FHOD3: variants seen among roughly 807,000 people sequenced by gnomAD.
The protein encoded by FHOD3 is formin homology 2 domain containing 3.
A neutral mutation model predicts 173.0 loss-of-function variants in FHOD3; 90 were observed. The observed-to-expected ratio is 0.52, with a 90% CI of 0.44 to 0.62. The LOEUF (loss-of-function observed/expected upper bound fraction) is 0.62. Ranked by LOEUF, FHOD3 falls within the 20% of genes least tolerant of loss-of-function variation. The probability of loss-of-function intolerance (pLI) is 0.00; values close to 1 mark genes in which losing one functional copy is unlikely to be tolerated. For missense variants in FHOD3, 1,945 were observed against 2,034.7 expected (o/e 0.96, Z 0.85); for synonymous variants, 828 against 823.0 (o/e 1.01, Z -0.10).
At chr18:36,698,765 G>A (rs372772466) in intron 17 of FHOD3, among the ~76,000 whole-genome samples, 42 of 152,326 alleles carry the variant, frequency 2.8e-4, no homozygotes, top group African/African-American at 1.0e-3. Flanking sequence ...CTGGGTCAGA[G>A]ACAAAGGACT....
At position 36,332,292 on chromosome 18, in the gene FHOD3, C is replaced by T. The variant is rs1235708281; in HGVS notation, c.166-23247C>T. On this transcript the variant is annotated intron_variant, in intron 1 of 28. Transcript: ENST00000590592. ...CTGTGGGGATGTAGGCGGCACCTTG[C>T]TCCAGGTGGCCCTATTTATTTCAGA... is the stretch of plus-strand genomic sequence containing the variant. Among the ~76,000 whole-genome samples, 3 of 152,328 alleles carry T rather than the reference C, an allele frequency of 2.0e-5. No homozygotes were observed. In the East Asian group the frequency reaches 5.8e-4, roughly 29 times the overall value.
rs574922476 is a variant in FHOD3 at position 36,768,069 on chromosome 18, G to T, written c.4625-1196G>T. Reference sequence around the variant, plus strand: ...TGTGTTGTACTTTAGTCAGGCTGGGGCTACTTGTGTGCCATAGGCAATGAT... The same window carrying T: ...TGTGTTGTACTTTAGTCAGGCTGGGTCTACTTGTGTGCCATAGGCAATGAT... On this transcript the variant is annotated intron_variant, in intron 27 of 28. Transcript: ENST00000590592. Among the ~76,000 whole-genome samples, 6 of 152,290 alleles carry T rather than the reference G, an allele frequency of 3.9e-5. No homozygotes were observed. The East Asian group carries it at 7.7e-4, about 20-fold the overall frequency.
intron 18 of FHOD3, among the ~76,000 whole-genome samples, chr18:36,713,325 C>T (rs1019391611): frequency 2.6e-5 from 4 of 152,198 alleles, no homozygotes; most frequent in African/African-American, 9.7e-5. Flanking sequence ...ACTATACTTT[C>T]AGAGTAGGGA....
Position 36,717,862 on chromosome 18 carries a change from G to T in FHOD3, c.2564G>T (p.Gly855Val). ...TGGCCCGCAGGTGTCCAGGATGCAG[G>T]TGTAAATGGACAGTGTGGCGACATC... The part of the protein sequence containing the change: ...GLWPAGVQDA[G>V]VNGQCGDILT... Residue 855 changes from glycine to valine, a missense_variant, in exon 19 of 29, where the codon GGT becomes GTT. Transcript: ENST00000590592. 1 of 1,597,714 alleles carries T rather than the reference G, an allele frequency of 6.3e-7. No homozygotes were observed. Among genetic ancestry groups the T allele is most frequent in the Non-Finnish European group, 8.5e-7 (1 of 1,172,232 alleles).
chr18:36,575,340 C>A (rs904758267), intron 5 of FHOD3, among the ~76,000 whole-genome samples: 1 of 152,176 alleles, frequency 6.6e-6, no homozygotes, highest in African/African-American at 2.4e-5. Context: ...TATATATTTG[C>A]ATACTTAGAA....
rs553688430 is a variant in FHOD3, at chr18:36,396,832, A to T, written c.337+24088A>T. Among the ~76,000 whole-genome samples the T allele has an allele frequency of 2.0e-5, 3 of 152,094 alleles. No individual in the cohort carries two copies. The South Asian group carries it at 6.2e-4, about 32-fold the overall frequency. On this transcript the variant is annotated intron_variant, in intron 3 of 28. Transcript: ENST00000590592. ...ATATTTTTATGTTGCTCATTTTTAT[A>T]TAAAATCAGTTTTCTTGAACTTTTA...
rs182060279 is a variant in FHOD3 at position 36,446,540 on chromosome 18, T to A, written c.338-55392T>A. Among the ~76,000 whole-genome samples the A allele has an allele frequency of 2.7e-3, 413 of 152,174 alleles. 1 individual carries two copies. Among genetic ancestry groups the A allele is most frequent in the Non-Finnish European group, 3.1e-3 (209 of 67,998 alleles). ...AATCCACATGTCCCAGATTGAACCC[T>A]TTTTGAATGGAAAGGCTTTGCAAGT... On this transcript the variant is annotated intron_variant, in intron 3 of 28. Coordinates refer to ENST00000590592, the MANE Select transcript of FHOD3 (RefSeq NM_001281740.3).
At chr18:36,741,099 T>C (rs540848476) in intron 21 of FHOD3, among the ~76,000 whole-genome samples, 2 of 151,320 alleles carry the variant, frequency 1.3e-5, no homozygotes, top group Non-Finnish European at 3.0e-5. Flanking sequence ...AACAATTACA[T>C]TTTTTTTTCA....
At chr18:36,733,073 C>T in intron 20 of FHOD3, among the ~76,000 whole-genome samples, 1 of 152,180 alleles carries the variant, frequency 6.6e-6, no homozygotes. Context: ...CAATCATGCA[C>T]CCACAGATAA....
At chr18:36,380,743 A>G (rs1025119307) in intron 3 of FHOD3, among the ~76,000 whole-genome samples, 2 of 151,868 alleles carry the variant, frequency 1.3e-5, no homozygotes, top group African/African-American at 4.8e-5. Flanking sequence ...GTAAAATGCT[A>G]CAAAGGTTAT....
rs146280152 is a variant in FHOD3, at chr18:36,690,359, C to G, written c.2022-2850C>G. The stretch of plus-strand genomic sequence containing the variant: ...GGGGCTGTGGTTTGTGGATAGAAAG[C>G]CCGGTGCTTCCCACAGAGGAGGCTC... On this transcript the variant is annotated intron_variant, in intron 16 of 28. Coordinates refer to ENST00000590592, the MANE Select transcript of FHOD3 (RefSeq NM_001281740.3). 4.2e-3 allele frequency among the ~76,000 whole-genome samples: 642 copies of G among 152,238 alleles called. 8 individuals are homozygous for G. The highest frequency in any genetic ancestry group is 0.015 in the African/African-American group (606 of 41,538).
intron 14 of FHOD3, among the ~76,000 whole-genome samples, chr18:36,675,042 G>T (rs368635987): frequency 1.4e-4 from 21 of 152,022 alleles, no homozygotes; most frequent in African/African-American, 4.8e-4. Context: ...GGCCCTTTGA[G>T]CTCAGTGTCT....
rs1015848238 is a variant in FHOD3 at position 36,586,737 on chromosome 18, C to G, written c.607-8050C>G. 4.6e-5 allele frequency among the ~76,000 whole-genome samples: 7 copies of G among 152,274 alleles called. No individual in the cohort carries two copies. The South Asian group carries it at 6.2e-4, about 14-fold the overall frequency. ...CCTCGTGATCCTCCCACCTCGGCCC[C>G]GCAAAGTGCTGGGATTACAGACATG... On this transcript the variant is annotated intron_variant, in intron 6 of 28. Transcript: ENST00000590592.
At chr18:36,463,003 A>G (rs2052653157) in intron 3 of FHOD3, among the ~76,000 whole-genome samples, 1 of 152,158 alleles carries the variant, frequency 6.6e-6, no homozygotes, top group African/African-American at 2.4e-5. Context: ...GAAGTTTCTC[A>G]GTAGTTTAAA....
At chr18:36,665,423 A>G (rs1413678194) in intron 14 of FHOD3, among the ~76,000 whole-genome samples, 5 of 152,236 alleles carry the variant, frequency 3.3e-5, no homozygotes, top group African/African-American at 1.2e-4. Context: ...TGCTGCGAAG[A>G]AAATGAACCT....
intron 7 of FHOD3, among the ~76,000 whole-genome samples, chr18:36,596,707 G>A (rs1387546794): frequency 6.6e-6 from 1 of 152,154 alleles, no homozygotes; most frequent in Non-Finnish European, 1.5e-5. Flanking sequence ...TGTTGGGGGT[G>A]TGTTAGGGAG....
At chr18:36,473,546 C>T (rs2053399318) in intron 3 of FHOD3, among the ~76,000 whole-genome samples, 1 of 152,194 alleles carries the variant, frequency 6.6e-6, no homozygotes, top group Non-Finnish European at 1.5e-5. Flanking sequence ...ACAGCTAGGG[C>T]TAGAGCCCTG....
intron 3 of FHOD3, among the ~76,000 whole-genome samples, chr18:36,425,580 G>T (rs1420511257): frequency 6.6e-6 from 1 of 152,014 alleles, no homozygotes; most frequent in Non-Finnish European, 1.5e-5. Context: ...TAAAGATAGT[G>T]GGGAAAAAAA....
chr18:36,623,927 T>G (rs1019418075), intron 9 of FHOD3, among the ~76,000 whole-genome samples: 4 of 152,328 alleles, frequency 2.6e-5, no homozygotes, highest in Non-Finnish European at 5.9e-5. Flanking sequence ...GGCAGCTGAT[T>G]TTGCAATAGC....
Sources: allele counts gnomAD v4.1 joint callset (sites outside exome capture counted in the v4.1 genomes callset), GRCh38; gene constraint gnomAD v4.1.1; transcripts MANE v1.5; gene names NCBI Gene and HGNC (gene_info 2026-07-23, HGNC 2026-07-21).